The following ANKAR variants were observed in gnomAD, a reference collection of about 807,000 sequenced individuals.
The protein encoded by ANKAR is ankyrin and armadillo repeat containing.
A neutral mutation model predicts 146.2 loss-of-function variants in ANKAR; 136 were observed. That is an observed-to-expected ratio of 0.93 (90% CI 0.81 to 1.07). ANKAR has a LOEUF of 1.07. Ranked by LOEUF, ANKAR falls within the 50% of genes least tolerant of loss-of-function variation. ANKAR has a pLI of 0.00. For synonymous variants in ANKAR, 500 were observed against 575.8 expected, an observed-to-expected ratio of 0.87 and a Z score of 1.88; for missense variants, 1,567 against 1,679.9, an observed-to-expected ratio of 0.93 and a Z score of 1.18.
chr2:189,746,830 G>A, downstream of ANKAR: 1 of 482,546 alleles, frequency 2.1e-6, no homozygotes, highest in Non-Finnish European at 3.4e-6. Context: ...TAGGATTTCT[G>A]TAAACAAAGG....
chr2:189,733,319 A>G, intron 17 of ANKAR, 90 bp downstream of exon 17: 1 of 1,105,974 alleles, frequency 9.0e-7, no homozygotes, highest in Non-Finnish European at 1.2e-6. Flanking sequence ...TCATGGCAAT[A>G]TTCAATGTAT....
intron 15 of ANKAR, 122 bp downstream of exon 15, chr2:189,728,943 A>T: frequency 1.1e-6 from 1 of 932,510 alleles, no homozygotes; most frequent in East Asian, 2.7e-5. Context: ...ATGGTATTTA[A>T]TGTATGAAAG....
intron 10 of ANKAR, among the ~76,000 whole-genome samples, chr2:189,712,640 G>A (rs2039868463): frequency 6.6e-6 from 1 of 152,174 alleles, no homozygotes; most frequent in Non-Finnish European, 1.5e-5. Flanking sequence ...AAGACCAAAG[G>A]TAGATAAAAC....
intron 12 of ANKAR, among the ~76,000 whole-genome samples, chr2:189,726,136 G>A (rs905735255): frequency 6.6e-6 from 1 of 152,076 alleles, no homozygotes. Context: ...ATTATAAATG[G>A]TTGCTAAATC....
At position 189,695,041 on chromosome 2, in the gene ANKAR, G is replaced by C; in HGVS notation, c.1368G>C (p.Trp456Cys). The change falls in exon 6 of 23, where the codon TGG becomes TGC. Residue 456 changes from tryptophan (W) to cysteine (C), a missense_variant. Trp to Cys is a radical substitution (Grantham distance 215, BLOSUM62 -2). Transcript: ENST00000684021. ...TFYQQLYKTQ[W>C]WGAINEIVNN... Reference sequence around the variant, plus strand: ...ATCAGCAACTATATAAGACACAGTGGTGGGGAGCCATAAATGAAATAGTGA... The same window carrying C: ...ATCAGCAACTATATAAGACACAGTGCTGGGGAGCCATAAATGAAATAGTGA... The C allele has an allele frequency of 6.2e-7, 1 of 1,611,960 alleles. No homozygotes were observed. The highest frequency in any genetic ancestry group is 8.5e-7 in the Non-Finnish European group (1 of 1,178,994).
At chr2:189,703,312 T>A (rs2038353074) in intron 7 of ANKAR, among the ~76,000 whole-genome samples, 1 of 152,082 alleles carries the variant, frequency 6.6e-6, no homozygotes, top group Non-Finnish European at 1.5e-5. Context: ...GATTATGGCT[T>A]GGATTAGGAT....
intron 9 of ANKAR, among the ~76,000 whole-genome samples, chr2:189,710,043 C>T (rs970196573): frequency 1.2e-4 from 18 of 152,198 alleles, no homozygotes; most frequent in African/African-American, 3.9e-4. Flanking sequence ...TCCCTCCTCA[C>T]ACTGCCCATT....
downstream of ANKAR, among the ~76,000 whole-genome samples, chr2:189,761,944 GAT>G (rs1359507500): frequency 2.6e-5 from 4 of 152,270 alleles, no homozygotes; most frequent in East Asian, 7.7e-4. Flanking sequence ...TACAATAATT[GAT>G]AGAGTCCTCT....
intron 18 of ANKAR, chr2:189,754,580 C>A: frequency 2.1e-6 from 1 of 469,170 alleles, no homozygotes; most frequent in Non-Finnish European, 3.7e-6. Context: ...GTTTGCTCTT[C>A]TATTGGTTGG....
intron 18 of ANKAR, among the ~76,000 whole-genome samples, chr2:189,760,567 T>C (rs985422124): frequency 6.6e-6 from 1 of 152,074 alleles, no homozygotes; most frequent in African/African-American, 2.4e-5. Flanking sequence ...CCGAGGTAGG[T>C]GGATCAAGAG....
At position 189,706,929 on chromosome 2, in the gene ANKAR, A is replaced by T. The variant is rs1445348579; in HGVS notation, c.1911-9A>T. ...TGCGTGTTTAATTGTTATGTTTCTTAATTTTTAGGAATCAGTGCACTCCAC... is the reference window on the plus strand; with the variant it reads ...TGCGTGTTTAATTGTTATGTTTCTTTATTTTTAGGAATCAGTGCACTCCAC... On this transcript the variant is annotated splice_polypyrimidine_tract_variant and intron_variant, in intron 8 of 22. Transcript: ENST00000684021. 1 of 1,592,642 alleles carries T rather than the reference A, an allele frequency of 6.3e-7. No individual in the cohort carries two copies. The highest frequency in any genetic ancestry group is 1.2e-5 in the South Asian group (1 of 86,274).
chr2:189,705,159 C>A lies in ANKAR; in HGVS notation c.1845C>A (p.Asn615Lys), dbSNP rs142585987. ...MPIHFAAFYD[N>K]VCIIIALCRK... ...TTCACTTTGCCGCTTTCTATGACAA[C>A]GTTTGCATCATTATTGCTCTCTGTA... is the stretch of plus-strand genomic sequence containing the variant. The change falls in exon 8 of 23, where the codon AAC becomes AAA. Residue 615 changes from asparagine (N) to lysine (K), a missense_variant. By Grantham distance (94) the Asn-to-Lys change is moderately conservative (BLOSUM62 0). Transcript: ENST00000684021. The A allele has an allele frequency of 6.2e-7, 1 of 1,614,020 alleles. No individual in the cohort carries two copies. The highest frequency in any genetic ancestry group is 8.5e-7 in the Non-Finnish European group (1 of 1,180,008).
In ANKAR at chr2:189,741,440, G is replaced by A. The variant is rs755560248; in HGVS notation, c.3799G>A (p.Gly1267Arg). 4 of 1,596,184 alleles carry A rather than the reference G, an allele frequency of 2.5e-6. No individual in the cohort carries two copies. The highest frequency in any genetic ancestry group is 2.7e-5 in the African/African-American group (2 of 74,046). ...IQRLCYHLYS[G>R]IEEVRAACSS... is the part of the protein sequence containing the mutation. ...ACGGCTCTGCTATCATTTGTACTCGGGAATAGAAGAGGTAAAAACAAGCAA... is the reference window on the plus strand; with the variant it reads ...ACGGCTCTGCTATCATTTGTACTCGAGAATAGAAGAGGTAAAAACAAGCAA... Residue 1267 changes from glycine to arginine, a missense_variant, in exon 20 of 23, where the codon GGA (glycine) becomes AGA (arginine). Gly to Arg is a moderately radical substitution (Grantham distance 125). Coordinates refer to ENST00000684021, the MANE Select transcript of ANKAR (RefSeq NM_001378068.1).
At chr2:189,722,862 C>CAG (rs1209635168) in intron 12 of ANKAR, among the ~76,000 whole-genome samples, 4 of 143,788 alleles carry the variant, frequency 2.8e-5, no homozygotes, top group African/African-American at 1.0e-4. Context: ...AGCCTGGCAA[C>CAG]AGAGAGAGAC....
intron 5 of ANKAR, among the ~76,000 whole-genome samples, chr2:189,693,829 A>G (rs142017571): frequency 0.018 from 2,775 of 152,100 alleles, 84 homozygotes; most frequent in African/African-American, 0.063. Flanking sequence ...GCTCACTGCA[A>G]CCTACACCTC....
In ANKAR at chr2:189,737,698, G is replaced by C; in HGVS notation, c.3439G>C (p.Ala1147Pro). ...CTATTTTTAGGATATTTGCTTAAGA[G>C]CAGGCTATGCATTAACACTTTTTGC... The part of the protein sequence containing the change: ...HSTEKDICLR[A>P]GYALTLFAFN... Residue 1147 changes from alanine to proline, a missense_variant, in exon 18 of 23, where the codon GCA becomes CCA. By Grantham distance (27) the Ala-to-Pro change is conservative. Transcript: ENST00000684021. 1 of 1,588,274 alleles carries C rather than the reference G, an allele frequency of 6.3e-7. No homozygotes were observed. Among genetic ancestry groups the C allele is most frequent in the South Asian group, 1.2e-5 (1 of 85,088 alleles).
At chr2:189,748,370 GT>G (rs2044496148), downstream of ANKAR, among the ~76,000 whole-genome samples, 1 of 152,154 alleles carries the variant, frequency 6.6e-6, no homozygotes, top group South Asian at 2.1e-4. Context: ...GTTATGCTGA[GT>G]GTGGTGGTAC....
intron 2 of ANKAR, among the ~76,000 whole-genome samples, chr2:189,687,911 G>A (rs74474982): frequency 6.6e-6 from 1 of 152,192 alleles, no homozygotes; most frequent in African/African-American, 2.4e-5. Context: ...TCTGTGGGTT[G>A]TCTCTTCACT....
intron 2 of ANKAR, among the ~76,000 whole-genome samples, chr2:189,678,148 A>G (rs536257124): frequency 6.6e-6 from 1 of 152,230 alleles, no homozygotes; most frequent in South Asian, 2.1e-4. Context: ...CGGGAGTAAG[A>G]TGGTATCTCA....
Sources: gnomAD v4.1 joint callset for allele counts (sites outside exome capture counted in the v4.1 genomes callset) on GRCh38, gnomAD v4.1.1 for gene constraint, MANE v1.5 for transcripts, NCBI Gene and HGNC (gene_info 2026-07-23, HGNC 2026-07-21) for gene names.